Variants in PDE4D observed in about 807,000 individuals in gnomAD.
PDE4D encodes the protein 3',5'-cyclic-AMP phosphodiesterase 4D.
Under a neutral mutation model 87.4 loss-of-function variants are expected in PDE4D, and 24 were observed. That is an observed-to-expected ratio of 0.27 (90% CI 0.20 to 0.39). The LOEUF (loss-of-function observed/expected upper bound fraction) is 0.39, where lower values mean the gene tolerates loss of function less well. Among genes scored for constraint, PDE4D ranks in the 10% least tolerant of loss-of-function variants. The probability of loss-of-function intolerance (pLI) is 1.00; values close to 1 mark genes in which losing one functional copy is unlikely to be tolerated. For synonymous variants in PDE4D, 384 were observed against 383.2 expected (o/e 1.00, Z -0.02); for missense variants, 714 against 1,041.0 (o/e 0.69, Z 4.32).
intron 1 of PDE4D, among the ~76,000 whole-genome samples, chr5:59,530,592 A>G (rs1814029934): frequency 6.7e-6 from 1 of 148,306 alleles, no homozygotes. Context: ...TGTTCAGTAT[A>G]TACACAACCA....
intron 5 of PDE4D, among the ~76,000 whole-genome samples, chr5:59,121,489 C>T (rs990390203): frequency 2.0e-5 from 3 of 151,612 alleles, no homozygotes; most frequent in African/African-American, 4.8e-5. Flanking sequence ...ATTGATACCA[C>T]AATGAGATAT....
chr5:60,205,913 C>T (rs1215943328), intron 1 of PDE4D, among the ~76,000 whole-genome samples: 2 of 151,934 alleles, frequency 1.3e-5, no homozygotes, highest in African/African-American at 4.8e-5. Context: ...AAAGAAAAGG[C>T]AATAAATATG....
intron 1 of PDE4D, among the ~76,000 whole-genome samples, chr5:59,495,264 G>A (rs1405195647): frequency 6.6e-6 from 1 of 152,168 alleles, no homozygotes; most frequent in Non-Finnish European, 1.5e-5. Context: ...GCTTCTCTTA[G>A]TCCATTAGCT....
intron 1 of PDE4D, among the ~76,000 whole-genome samples, chr5:59,323,871 A>G (rs1201524291): frequency 6.6e-6 from 1 of 152,050 alleles, no homozygotes; most frequent in Non-Finnish European, 1.5e-5. Context: ...TAAAGTAGAA[A>G]TTTCTATGTG....
At chr5:59,714,013 A>G (rs1754614431) in intron 1 of PDE4D, among the ~76,000 whole-genome samples, 1 of 152,004 alleles carries the variant, frequency 6.6e-6, no homozygotes, top group South Asian at 2.1e-4. Context: ...TTGGAAAGGG[A>G]GTTAGAGGCT....
chr5:59,988,351 T>C (rs982774632), intron 3 of PDE4D: 36 of 538,066 alleles, frequency 6.7e-5, no homozygotes, highest in Middle Eastern at 2.7e-4. Flanking sequence ...GAGAAATTCA[T>C]CCTTTTTTTT....
At chr5:59,107,673 G>A (rs1771848472) in intron 5 of PDE4D, among the ~76,000 whole-genome samples, 1 of 152,216 alleles carries the variant, frequency 6.6e-6, no homozygotes, top group Admixed American at 6.5e-5. Flanking sequence ...GAGGGTAAGA[G>A]TGGAGGGAGG....
intron 2 of PDE4D, among the ~76,000 whole-genome samples, chr5:60,044,970 C>T (rs1307753742): frequency 1.3e-5 from 2 of 152,192 alleles, no homozygotes; most frequent in South Asian, 2.1e-4. Flanking sequence ...AACTAGTTTA[C>T]AGTCCCACCA....
chr5:60,426,674 G>A (rs1743749750), intron 1 of PDE4D, among the ~76,000 whole-genome samples: 2 of 152,000 alleles, frequency 1.3e-5, no homozygotes, highest in Admixed American at 1.3e-4. Context: ...AGAACTTAAA[G>A]CATAATTTAA....
At chr5:59,028,928 A>G (rs1030984426) in intron 6 of PDE4D, among the ~76,000 whole-genome samples, 2 of 152,190 alleles carry the variant, frequency 1.3e-5, no homozygotes, top group African/African-American at 4.8e-5. Flanking sequence ...CATTAATTTT[A>G]GAAAAAATAC....
At chr5:59,944,151 C>T (rs1757481691) in intron 3 of PDE4D, among the ~76,000 whole-genome samples, 1 of 152,204 alleles carries the variant, frequency 6.6e-6, no homozygotes, top group Non-Finnish European at 1.5e-5. Flanking sequence ...GCCGTGGAGT[C>T]AAGTGTGGAA....
chr5:59,039,571 C>T lies in PDE4D; in HGVS notation c.809-600G>A. ...CAGGCGCAGCGCGGCTCCAACGCCGCAGCTTTCCGGGAACACTCCCCCTCA... is the reference window on the plus strand; with the variant it reads ...CAGGCGCAGCGCGGCTCCAACGCCGTAGCTTTCCGGGAACACTCCCCCTCA... On this transcript the variant is annotated intron_variant, in intron 5 of 14. Coordinates refer to ENST00000340635, the MANE Select transcript of PDE4D (RefSeq NM_001104631.2). 3 of 963,522 alleles carry T rather than the reference C, an allele frequency of 3.1e-6. No homozygotes were observed. The South Asian group carries it at 1.4e-4, about 46-fold the overall frequency. 59.7% of individuals were successfully genotyped at this position (963,522 alleles called of 1,614,324 possible). A position where few individuals can be genotyped will look rare whatever the true frequency, so the allele number is the denominator to read the frequency against.
At chr5:59,128,542 TC>T (rs1362440889) in intron 5 of PDE4D, among the ~76,000 whole-genome samples, 1 of 152,100 alleles carries the variant, frequency 6.6e-6, no homozygotes, top group African/African-American at 2.4e-5. Flanking sequence ...TGTATTATGG[TC>T]CAAATCTACC....
At chr5:59,921,529 T>C (rs1258517324) in intron 3 of PDE4D, among the ~76,000 whole-genome samples, 1 of 152,176 alleles carries the variant, frequency 6.6e-6, no homozygotes, top group East Asian at 1.9e-4. Flanking sequence ...AACCATATCA[T>C]TGATTTTTGT....
intron 1 of PDE4D, among the ~76,000 whole-genome samples, chr5:59,795,462 T>C (rs893562584): frequency 1.3e-5 from 2 of 152,146 alleles, no homozygotes; most frequent in South Asian, 4.1e-4. Flanking sequence ...AGTAGAAGGA[T>C]GAAGCCAACT....
chr5:59,405,722 G>GT (rs1791490189), intron 1 of PDE4D, among the ~76,000 whole-genome samples: 1 of 152,198 alleles, frequency 6.6e-6, no homozygotes, highest in Non-Finnish European at 1.5e-5. Context: ...TCTATCCTCA[G>GT]TTTTTTGAGT....
chr5:59,228,576 A>G (rs1405504096), intron 1 of PDE4D, among the ~76,000 whole-genome samples: 2 of 152,142 alleles, frequency 1.3e-5, no homozygotes, highest in Non-Finnish European at 1.5e-5. Context: ...TGATATTTTA[A>G]TGATGTGCCC....
At chr5:59,702,358 C>T (rs1254768638) in intron 1 of PDE4D, among the ~76,000 whole-genome samples, 1 of 152,068 alleles carries the variant, frequency 6.6e-6, no homozygotes, top group Non-Finnish European at 1.5e-5. Context: ...GATCTCCTGA[C>T]CTTGTGATCT....
chr5:60,054,508 A>C (rs1410000226), intron 2 of PDE4D, among the ~76,000 whole-genome samples: 1 of 152,094 alleles, frequency 6.6e-6, no homozygotes, highest in African/African-American at 2.4e-5. Context: ...AGGGAGGGGA[A>C]CATCACACAC....
Sources: gnomAD v4.1 joint callset for allele counts (sites outside exome capture counted in the v4.1 genomes callset) on GRCh38, gnomAD v4.1.1 for gene constraint, MANE v1.5 for transcripts, NCBI Gene and HGNC (gene_info 2026-07-23, HGNC 2026-07-21) for gene names.